The following CCSER1 variants were observed in gnomAD, a reference collection of about 807,000 sequenced individuals.
CCSER1 encodes coiled-coil serine rich protein 1.
A neutral mutation model predicts 82.0 loss-of-function variants in CCSER1; 41 were observed. The ratio of observed to expected loss-of-function variants is 0.50; its 90% CI spans 0.39 to 0.65. The LOEUF (loss-of-function observed/expected upper bound fraction) is 0.65. CCSER1 is among the 30% of genes least tolerant of loss of function. CCSER1 has a pLI of 0.00. For synonymous variants in CCSER1, 414 were observed against 383.9 expected, an observed-to-expected ratio of 1.08 and a Z score of -0.92; for missense variants, 1,119 against 1,064.2, an observed-to-expected ratio of 1.05 and a Z score of -0.72.
At position 91,602,091 on chromosome 4, in the gene CCSER1, G is replaced by A. The variant is rs192601124; in HGVS notation, c.*3034G>A. On this transcript the variant is annotated 3_prime_UTR_variant, in exon 11 of 11. Transcript: ENST00000509176. ...ATGTGAATCCACCACTATCAATACG[G>A]TCAGGGTAAAACCTGGAGCCACATG... 5.9e-5 allele frequency among the ~76,000 whole-genome samples: 9 copies of A among 152,092 alleles called. No homozygotes were observed. In the East Asian group the frequency reaches 1.7e-3, roughly 29 times the overall value.
intron 1 of CCSER1, among the ~76,000 whole-genome samples, chr4:90,130,150 A>G (rs907167997): frequency 6.6e-6 from 1 of 152,216 alleles, no homozygotes; most frequent in Non-Finnish European, 1.5e-5. Flanking sequence ...TTTATTACTC[A>G]TCATAATGCT....
intron 1 of CCSER1, among the ~76,000 whole-genome samples, chr4:90,304,842 C>T (rs9684316): frequency 0.65 from 98,013 of 151,888 alleles, 33,657 homozygotes; most frequent in African/African-American, 0.88. Flanking sequence ...AAAAATGTTT[C>T]TCATTAGTTG....
intron 9 of CCSER1, among the ~76,000 whole-genome samples, chr4:91,001,016 A>G (rs376747940): frequency 2.7e-4 from 41 of 152,194 alleles, no homozygotes; most frequent in African/African-American, 9.9e-4. Context: ...GAATGCTTTC[A>G]GTTTTTGCCC....
At chr4:91,352,456 C>A (rs537575686) in intron 10 of CCSER1, among the ~76,000 whole-genome samples, 6 of 152,156 alleles carry the variant, frequency 3.9e-5, no homozygotes, top group African/African-American at 1.4e-4. Context: ...CTGTGTTAGC[C>A]AGGATGGTCT....
intron 10 of CCSER1, among the ~76,000 whole-genome samples, chr4:91,408,828 T>C (rs1752857320): frequency 2.0e-5 from 3 of 152,228 alleles, no homozygotes; most frequent in African/African-American, 7.2e-5. Context: ...CAGTGCTTTA[T>C]ATTTTTTAAA....
intron 1 of CCSER1, among the ~76,000 whole-genome samples, chr4:90,201,762 A>G (rs1024116456): frequency 2.0e-5 from 3 of 152,052 alleles, no homozygotes; most frequent in Non-Finnish European, 1.5e-5. Flanking sequence ...GGTGTATAGT[A>G]TATGCAACAC....
intron 1 of CCSER1, among the ~76,000 whole-genome samples, chr4:90,167,565 C>T (rs901894318): frequency 6.6e-6 from 1 of 152,074 alleles, no homozygotes; most frequent in African/African-American, 2.4e-5. Flanking sequence ...TGTTGGTGCG[C>T]CGCACCCAGT....
chr4:90,498,306 A>G (rs1769335100), intron 5 of CCSER1, among the ~76,000 whole-genome samples: 1 of 152,206 alleles, frequency 6.6e-6, no homozygotes, highest in Non-Finnish European at 1.5e-5. Context: ...CTTTCAAAAT[A>G]TCTTATTGTT....
intron 10 of CCSER1, among the ~76,000 whole-genome samples, chr4:91,154,035 G>A (rs1260512699): frequency 6.6e-6 from 1 of 151,998 alleles, no homozygotes; most frequent in Non-Finnish European, 1.5e-5. Context: ...TCTCTTCAAA[G>A]CTGTCAGACT....
At chr4:90,784,284 T>A (rs970519941) in intron 7 of CCSER1, among the ~76,000 whole-genome samples, 3 of 152,192 alleles carry the variant, frequency 2.0e-5, no homozygotes, top group African/African-American at 4.8e-5. Flanking sequence ...TCATCCTGGA[T>A]AATGGAAAGT....
At chr4:90,764,308 CAG>C (rs1750865734) in intron 7 of CCSER1, among the ~76,000 whole-genome samples, 1 of 152,122 alleles carries the variant, frequency 6.6e-6, no homozygotes, top group Non-Finnish European at 1.5e-5. Flanking sequence ...TTGTTTTTAA[CAG>C]AATTAGTTTT....
intron 5 of CCSER1, among the ~76,000 whole-genome samples, chr4:90,603,079 A>G (rs1784221208): frequency 6.6e-6 from 1 of 152,212 alleles, no homozygotes; most frequent in Non-Finnish European, 1.5e-5. Context: ...TCAGACTTAC[A>G]GGGAATTTTC....
At chr4:90,207,436 A>G (rs1011084562) in intron 1 of CCSER1, among the ~76,000 whole-genome samples, 4 of 152,122 alleles carry the variant, frequency 2.6e-5, no homozygotes, top group Admixed American at 2.6e-4. Flanking sequence ...ATTGGGTTAG[A>G]ACATGCTCCT....
intron 5 of CCSER1, among the ~76,000 whole-genome samples, chr4:90,499,782 T>C (rs1769580554): frequency 6.6e-6 from 1 of 152,186 alleles, no homozygotes; most frequent in Non-Finnish European, 1.5e-5. Flanking sequence ...TGTTCCATCA[T>C]AGCTTGAGCT....
At chr4:91,043,460 G>T (rs980575350) in intron 9 of CCSER1, among the ~76,000 whole-genome samples, 1 of 151,692 alleles carries the variant, frequency 6.6e-6, no homozygotes, top group Admixed American at 6.6e-5. Flanking sequence ...CCAACCAAAT[G>T]CACAGTCCAC....
At chr4:90,318,079 T>A (rs749857451) in intron 3 of CCSER1, among the ~76,000 whole-genome samples, 1 of 152,252 alleles carries the variant, frequency 6.6e-6, no homozygotes, top group Non-Finnish European at 1.5e-5. Context: ...CTTTCCCTTT[T>A]GTCCAGAGTC....
At chr4:90,195,605 T>C (rs1736444122) in intron 1 of CCSER1, among the ~76,000 whole-genome samples, 1 of 152,072 alleles carries the variant, frequency 6.6e-6, no homozygotes, top group African/African-American at 2.4e-5. Context: ...TTTCAGACTC[T>C]GGGTGATAAT....
chr4:91,278,025 C>T (rs1010314868), intron 10 of CCSER1, among the ~76,000 whole-genome samples: 3 of 151,898 alleles, frequency 2.0e-5, no homozygotes, highest in African/African-American at 4.8e-5. Context: ...TAGTTTTATT[C>T]TATGGTGGCC....
chr4:91,261,584 T>G (rs776014281), intron 10 of CCSER1, among the ~76,000 whole-genome samples: 6 of 152,100 alleles, frequency 3.9e-5, no homozygotes, highest in Non-Finnish European at 7.4e-5. Flanking sequence ...CTTCCCTCCT[T>G]CCACAAATAA....
Sources: gnomAD v4.1 joint callset for allele counts (sites outside exome capture counted in the v4.1 genomes callset) on GRCh38, gnomAD v4.1.1 for gene constraint, MANE v1.5 for transcripts, NCBI Gene and HGNC (gene_info 2026-07-23, HGNC 2026-07-21) for gene names.